Variants in CACNA2D1 observed in about 807,000 individuals in gnomAD.
CACNA2D1 encodes calcium voltage-gated channel auxiliary subunit alpha2delta 1, also known as voltage-dependent calcium channel subunit alpha-2/delta-1.
Under a neutral mutation model 171.5 loss-of-function variants are expected in CACNA2D1, and 53 were observed. The observed-to-expected ratio is 0.31, with a 90% CI of 0.25 to 0.39. The LOEUF is 0.39. Ranked by LOEUF, CACNA2D1 falls within the 10% of genes least tolerant of loss-of-function variation. The pLI is 1.00. For missense variants in CACNA2D1, 903 were observed against 1,299.8 expected (o/e 0.69, Z 4.69); for synonymous variants, 442 against 443.1 (o/e 1.00, Z 0.03).
At chr7:82,380,660 T>C (rs1388243855) in intron 1 of CACNA2D1, among the ~76,000 whole-genome samples, 2 of 152,032 alleles carry the variant, frequency 1.3e-5, no homozygotes, top group Admixed American at 1.3e-4. Context: ...CACAAAACTT[T>C]ATAACCTCCC....
intron 3 of CACNA2D1, among the ~76,000 whole-genome samples, chr7:82,265,416 C>CTTTTTTTTTTTTTTTTTTTTTT (rs765047961): frequency 1.3e-5 from 1 of 77,306 alleles, no homozygotes; most frequent in Non-Finnish European, 2.6e-5. Context: ...TTTTTCCTTT[C>CTTTTTTTTTTTTTTTTTTTTTT]TTTTTTTTTT....
chr7:82,046,709 A>T (rs1315895923), intron 10 of CACNA2D1, among the ~76,000 whole-genome samples: 2 of 152,298 alleles, frequency 1.3e-5, no homozygotes, highest in African/African-American at 4.8e-5. Flanking sequence ...ATGTCTAAAA[A>T]ATGGCACCAG....
intron 4 of CACNA2D1, among the ~76,000 whole-genome samples, chr7:82,139,524 G>C (rs1198850784): frequency 2.0e-5 from 3 of 152,050 alleles, no homozygotes; most frequent in Non-Finnish European, 4.4e-5. Flanking sequence ...AGGGTCCATG[G>C]TACAATGATG....
intron 3 of CACNA2D1, among the ~76,000 whole-genome samples, chr7:82,205,832 C>CTA (rs1799951831): frequency 1.3e-5 from 2 of 152,142 alleles, no homozygotes; most frequent in Non-Finnish European, 2.9e-5. Flanking sequence ...GAAATAATTC[C>CTA]CATTAAAAAG....
chr7:81,988,856 C>T (rs1316828883), intron 21 of CACNA2D1, among the ~76,000 whole-genome samples: 2 of 152,102 alleles, frequency 1.3e-5, no homozygotes, highest in African/African-American at 2.4e-5. Flanking sequence ...TTGGAACTTA[C>T]TAGTGAGAGA....
intron 4 of CACNA2D1, among the ~76,000 whole-genome samples, chr7:82,160,431 T>G (rs192075234): frequency 6.6e-6 from 1 of 152,186 alleles, no homozygotes; most frequent in Non-Finnish European, 1.5e-5. Context: ...AAATATAAAA[T>G]CAGTATTAAA....
intron 3 of CACNA2D1, among the ~76,000 whole-genome samples, chr7:82,172,616 C>CTTTTTTTTTTTTT (rs55737158): frequency 6.2e-5 from 4 of 64,510 alleles, no homozygotes; most frequent in African/African-American, 3.0e-4. Context: ...AGAAACCCGG[C>CTTTTTTTTTTTTT]TTTTTTTTTT....
At chr7:82,425,383 G>A (rs935462029) in intron 1 of CACNA2D1, among the ~76,000 whole-genome samples, 1 of 152,068 alleles carries the variant, frequency 6.6e-6, no homozygotes, top group Non-Finnish European at 1.5e-5. Flanking sequence ...TGAACAAGGG[G>A]CCACCACGAC....
intron 34 of CACNA2D1, 52 bp downstream of exon 34, chr7:81,964,004 T>A (rs1351358374): frequency 6.8e-7 from 1 of 1,467,330 alleles, no homozygotes; most frequent in Non-Finnish European, 9.5e-7. Context: ...GATGCTTTTT[T>A]ATTTTACAAC....
intron 24 of CACNA2D1, among the ~76,000 whole-genome samples, chr7:81,979,053 C>T (rs1487490982): frequency 2.0e-5 from 3 of 151,836 alleles, no homozygotes; most frequent in South Asian, 2.1e-4. Flanking sequence ...CATCATGCTA[C>T]GTGACATAAG....
chr7:82,224,389 C>T (rs909267280), intron 3 of CACNA2D1, among the ~76,000 whole-genome samples: 6 of 152,004 alleles, frequency 3.9e-5, no homozygotes, highest in African/African-American at 1.4e-4. Context: ...GAAACAAGAC[C>T]ATCCTGGCCA....
chr7:82,443,648 G>T lies in CACNA2D1; in HGVS notation c.-189C>A. 7.8e-7 allele frequency: 1 copy of T among 1,287,836 alleles called. No individual in the cohort carries two copies. The highest frequency in any genetic ancestry group is 9.8e-7 in the Non-Finnish European group (1 of 1,025,380). The allele number at this position is 1,287,836 out of a possible 1,614,324, so 79.8% of individuals were successfully genotyped here. A position where few individuals can be genotyped will look rare whatever the true frequency, so the allele number is the denominator to read the frequency against. The stretch of plus-strand genomic sequence containing the variant: ...AGGGCGGGAGCGGACGCCGAGGAAG[G>T]GGCGGTGGCGGGCGGACCCACTAGC... On this transcript the variant is annotated 5_prime_UTR_variant, in exon 1 of 39. Transcript: ENST00000356860.
chr7:81,962,964 A>T (rs1794319739), intron 34 of CACNA2D1, among the ~76,000 whole-genome samples: 1 of 152,058 alleles, frequency 6.6e-6, no homozygotes. Flanking sequence ...TAAATATGTA[A>T]TGTAACTTTC....
chr7:82,303,352 T>C (rs1813290591), intron 3 of CACNA2D1, among the ~76,000 whole-genome samples: 3 of 151,672 alleles, frequency 2.0e-5, no homozygotes, highest in South Asian at 4.1e-4. Context: ...AAGACAACTA[T>C]ATTACTCAAA....
At chr7:82,225,889 T>A (rs1409179431) in intron 3 of CACNA2D1, among the ~76,000 whole-genome samples, 2 of 152,086 alleles carry the variant, frequency 1.3e-5, no homozygotes, top group Non-Finnish European at 2.9e-5. Context: ...TCAATGCAAA[T>A]GAAAAACTTT....
chr7:81,977,316 T>G (rs2130553849), intron 24 of CACNA2D1, among the ~76,000 whole-genome samples: 1 of 152,076 alleles, frequency 6.6e-6, no homozygotes, highest in South Asian at 2.1e-4. Context: ...AATCATGTGG[T>G]TTTTGTCATT....
chr7:82,382,050 C>T (rs531990651), intron 1 of CACNA2D1, among the ~76,000 whole-genome samples: 48 of 152,186 alleles, frequency 3.2e-4, no homozygotes, highest in African/African-American at 1.0e-3. Context: ...TCAGGGAGGA[C>T]GTGAATCTTC....
intron 19 of CACNA2D1, among the ~76,000 whole-genome samples, chr7:81,995,508 T>C (rs1797950250): frequency 1.3e-5 from 2 of 152,128 alleles, no homozygotes; most frequent in Admixed American, 1.3e-4. Flanking sequence ...CTTAAAAATA[T>C]GCAAGGTCGG....
chr7:82,327,075 C>G (rs1467118952), intron 3 of CACNA2D1, among the ~76,000 whole-genome samples: 1 of 152,190 alleles, frequency 6.6e-6, no homozygotes, highest in Non-Finnish European at 1.5e-5. Context: ...AAAATGCCAA[C>G]AGAAAACAAT....
Sources: gnomAD v4.1 joint callset for allele counts (sites outside exome capture counted in the v4.1 genomes callset) on GRCh38, gnomAD v4.1.1 for gene constraint, MANE v1.5 for transcripts, NCBI Gene and HGNC (gene_info 2026-07-23, HGNC 2026-07-21) for gene names.